GTF2A1L: variants seen among roughly 807,000 people sequenced by gnomAD.
GTF2A1L encodes the protein TFIIA-alpha and beta-like factor.
In GTF2A1L, 48 loss-of-function variants were observed where a neutral mutation model predicts 49.7. That is an observed-to-expected ratio of 0.97 (90% CI 0.77 to 1.23). GTF2A1L has a LOEUF of 1.23. GTF2A1L is among the 50% of genes most tolerant of loss of function. The probability of loss-of-function intolerance (pLI) is 0.00; values close to 1 mark genes in which losing one functional copy is unlikely to be tolerated. For missense variants in GTF2A1L, 736 were observed against 564.8 expected (o/e 1.30, Z -3.07); for synonymous variants, 246 against 193.5 (o/e 1.27, Z -2.25).
chr2:48,663,486 A>G (rs747499444), intron 6 of GTF2A1L, among the ~76,000 whole-genome samples: 52 of 152,160 alleles, frequency 3.4e-4, no homozygotes, highest in Non-Finnish European at 5.0e-4. Context: ...TAATCCTTCA[A>G]ATATGTTTAT....
chr2:48,667,013 G>C (rs1678882515), intron 6 of GTF2A1L, among the ~76,000 whole-genome samples: 1 of 152,010 alleles, frequency 6.6e-6, no homozygotes, highest in South Asian at 2.1e-4. Context: ...ACTTAGGCTG[G>C]AGTGCTGTGG....
intron 3 of GTF2A1L, among the ~76,000 whole-genome samples, chr2:48,635,717 C>T (rs1676849463): frequency 6.6e-6 from 1 of 151,982 alleles, no homozygotes; most frequent in South Asian, 2.1e-4. Flanking sequence ...GTGCTTCAGT[C>T]TGTGGCGCAA....
chr2:48,670,376 C>CT (rs1679101246), intron 7 of GTF2A1L, among the ~76,000 whole-genome samples: 1 of 143,356 alleles, frequency 7.0e-6, no homozygotes, highest in Non-Finnish European at 1.6e-5. Context: ...GAGCAAGACT[C>CT]TTTAAAAAAA....
At chr2:48,666,546 C>T (rs949717703) in intron 6 of GTF2A1L, among the ~76,000 whole-genome samples, 8 of 151,030 alleles carry the variant, frequency 5.3e-5, no homozygotes, top group East Asian at 3.9e-4. Context: ...GATGTTTAGG[C>T]CATTTATATT....
In GTF2A1L at chr2:48,669,814, C is replaced by A. The variant is rs1260381779; in HGVS notation, c.1071C>A (p.Ser357=). The A allele has an allele frequency of 6.2e-7, 1 of 1,613,730 alleles. No homozygotes were observed. The highest frequency in any genetic ancestry group is 8.5e-7 in the Non-Finnish European group (1 of 1,179,926). Residue 357 remains serine (S), a synonymous_variant, in exon 7 of 9, where the codon TCC becomes TCA. Coordinates refer to ENST00000403751, the MANE Select transcript of GTF2A1L (RefSeq NM_006872.5). ...IQVDGSGDTS[S]NEEIGSTRDA... ...TAGATGGAAGCGGTGATACATCTTC[C>A]AATGAAGAAATAGGAAGTACAAGAG... is the stretch of plus-strand genomic sequence containing the variant.
intron 1 of GTF2A1L, 62 bp downstream of exon 1, chr2:48,617,957 C>T (rs368474415): frequency 1.3e-6 from 2 of 1,490,270 alleles, no homozygotes; most frequent in Non-Finnish European, 1.8e-6. Flanking sequence ...TCACGGCAGC[C>T]GAACCCTGCA....
At chr2:48,670,850 G>A (rs1440146028) in intron 7 of GTF2A1L, among the ~76,000 whole-genome samples, 1 of 152,070 alleles carries the variant, frequency 6.6e-6, no homozygotes, top group Non-Finnish European at 1.5e-5. Context: ...TTGAGACAGG[G>A]TCTTGCTCTG....
At chr2:48,678,185 A>G (rs972609568) in intron 8 of GTF2A1L, among the ~76,000 whole-genome samples, 2 of 152,030 alleles carry the variant, frequency 1.3e-5, no homozygotes, top group Non-Finnish European at 2.9e-5. Context: ...ATATCTAGAA[A>G]AAATATAGTC....
rs529425284 is a variant in GTF2A1L at position 48,634,889 on chromosome 2, A to G, written c.248-7513A>G. Among the ~76,000 whole-genome samples the G allele has an allele frequency of 2.6e-3, 391 of 152,290 alleles. 2 individuals are homozygous for G. The highest frequency in any genetic ancestry group is 8.8e-3 in the African/African-American group (367 of 41,552). ...GGCAGGGGCCATGAAGAGTGGGGCC[A>G]GATTGGGCACATCCATCTACAGGTC... On this transcript the variant is annotated intron_variant, in intron 3 of 8. Coordinates refer to ENST00000403751, the MANE Select transcript of GTF2A1L (RefSeq NM_006872.5).
chr2:48,625,954 A>C (rs1676268351), intron 3 of GTF2A1L, among the ~76,000 whole-genome samples: 1 of 143,962 alleles, frequency 6.9e-6, no homozygotes, highest in Non-Finnish European at 1.6e-5. Flanking sequence ...GCCATTGTCA[A>C]ACAGGTTTTC....
intron 1 of GTF2A1L, among the ~76,000 whole-genome samples, chr2:48,618,939 C>G (rs1675817205): frequency 6.6e-6 from 1 of 151,854 alleles, no homozygotes; most frequent in South Asian, 2.1e-4. Flanking sequence ...TTTTTTAGAC[C>G]TAAGAGTTTT....
chr2:48,663,852 A>T (rs888388672), intron 6 of GTF2A1L, among the ~76,000 whole-genome samples: 1 of 152,080 alleles, frequency 6.6e-6, no homozygotes, highest in Non-Finnish European at 1.5e-5. Context: ...AACTCAAGCG[A>T]TCCTTTTGTC....
At chr2:48,647,297 A>T (rs13007220) in intron 6 of GTF2A1L, among the ~76,000 whole-genome samples, 20,955 of 152,154 alleles carry the variant, frequency 0.14, 1,687 homozygotes, top group African/African-American at 0.23. Context: ...CATGTGGTAC[A>T]ACCAAGAAGA....
At chr2:48,653,265 G>A (rs781378930) in intron 6 of GTF2A1L, among the ~76,000 whole-genome samples, 1 of 150,718 alleles carries the variant, frequency 6.6e-6, no homozygotes, top group Non-Finnish European at 1.5e-5. Context: ...ATTTAAAGAG[G>A]CATGATATAT....
At chr2:48,642,228 G>A (rs1442952956) in intron 3 of GTF2A1L, among the ~76,000 whole-genome samples, 174 bp from the exon 4 acceptor site, 1 of 152,098 alleles carries the variant, frequency 6.6e-6, no homozygotes, top group Admixed American at 6.5e-5. Flanking sequence ...TTTATGTGAA[G>A]TTGTTGCAAA....
intron 3 of GTF2A1L, among the ~76,000 whole-genome samples, chr2:48,634,987 T>C (rs778028391): frequency 6.6e-6 from 1 of 152,152 alleles, no homozygotes; most frequent in African/African-American, 2.4e-5. Flanking sequence ...CAGAGGTATA[T>C]CTAGGCATGG....
At chr2:48,636,693 A>G (rs1201302562) in intron 3 of GTF2A1L, among the ~76,000 whole-genome samples, 1 of 152,150 alleles carries the variant, frequency 6.6e-6, no homozygotes, top group Non-Finnish European at 1.5e-5. Flanking sequence ...TGTATATTAC[A>G]CTCCGAGAAC....
chr2:48,661,246 A>ATTT (rs1558757501), intron 6 of GTF2A1L, among the ~76,000 whole-genome samples: 1 of 71,848 alleles, frequency 1.4e-5, no homozygotes, highest in African/African-American at 6.2e-5. Context: ...GCATCCCCAA[A>ATTT]CTTTTTTTTT....
At chr2:48,620,188 T>C (rs1287232253) in intron 1 of GTF2A1L, among the ~76,000 whole-genome samples, 1 of 152,212 alleles carries the variant, frequency 6.6e-6, no homozygotes, top group Non-Finnish European at 1.5e-5. Context: ...TCTGGTTGAC[T>C]TACATTAATT....
Sources: gnomAD v4.1 joint callset for allele counts (sites outside exome capture counted in the v4.1 genomes callset) on GRCh38, gnomAD v4.1.1 for gene constraint, MANE v1.5 for transcripts, NCBI Gene and HGNC (gene_info 2026-07-23, HGNC 2026-07-21) for gene names.